Variants in SCAMP1 observed in about 807,000 individuals in gnomAD.
The protein encoded by SCAMP1 is secretory carrier membrane protein 1.
In SCAMP1, 15 loss-of-function variants were observed where a neutral mutation model predicts 41.8. The ratio of observed to expected loss-of-function variants is 0.36; its 90% CI spans 0.24 to 0.55. The LOEUF (loss-of-function observed/expected upper bound fraction) is 0.55. SCAMP1 is among the 20% of genes least tolerant of loss of function. The pLI, the probability that SCAMP1 is intolerant of heterozygous loss-of-function variation, is 0.86. For missense variants in SCAMP1, 341 were observed against 412.6 expected, an observed-to-expected ratio of 0.83 and a Z score of 1.50; for synonymous variants, 135 against 136.8, an observed-to-expected ratio of 0.99 and a Z score of 0.09.
rs1214388599 is a variant in SCAMP1, at chr5:78,388,909, A to G, written c.130A>G (p.Arg44Gly). Residue 44 changes from arginine to glycine, a missense_variant, in exon 2 of 9, where the codon AGA (arginine) becomes GGA (glycine). Physicochemically the swap from Arg to Gly is moderately radical, Grantham distance 125 (BLOSUM62 -2). Transcript: ENST00000621999. ...LDEYNPFSDS[R>G]TPPPGGVKMP... ...TGAATATAATCCATTCTCGGATTCT[A>G]GAACAGTAAGATTATTCTTGCTTTT... The G allele has an allele frequency of 6.9e-7, 1 of 1,458,418 alleles. No individual in the cohort carries two copies. Among genetic ancestry groups the G allele is most frequent in the Non-Finnish European group, 9.5e-7 (1 of 1,054,844 alleles). 90.3% of individuals were successfully genotyped at this position (1,458,418 alleles called of 1,614,324 possible).
At chr5:78,399,901 C>T (rs748196565) in intron 2 of SCAMP1, among the ~76,000 whole-genome samples, 70 of 152,086 alleles carry the variant, frequency 4.6e-4, no homozygotes, top group Non-Finnish European at 9.3e-4. Context: ...GTGTTATCTT[C>T]GAGGAGTTTT....
chr5:78,424,621 G>A (rs891967530), intron 6 of SCAMP1, among the ~76,000 whole-genome samples: 6 of 151,986 alleles, frequency 3.9e-5, no homozygotes, highest in African/African-American at 9.7e-5. Flanking sequence ...ATCCCAGCTC[G>A]AGGCAGGAGA....
intron 8 of SCAMP1, among the ~76,000 whole-genome samples, chr5:78,465,703 TTTATCA>T (rs1753727876): frequency 2.0e-5 from 3 of 152,342 alleles, no homozygotes; most frequent in Admixed American, 1.3e-4. Flanking sequence ...AGTAGATGCC[TTTATCA>T]GTCAGCATGC....
At chr5:78,373,643 C>T (rs997506011) in intron 1 of SCAMP1, among the ~76,000 whole-genome samples, 3 of 152,078 alleles carry the variant, frequency 2.0e-5, no homozygotes, top group Non-Finnish European at 1.5e-5. Context: ...GGCATATTAT[C>T]TTTTTTTGAC....
chr5:78,407,160 T>G (rs1013376026), intron 2 of SCAMP1, among the ~76,000 whole-genome samples: 1 of 152,082 alleles, frequency 6.6e-6, no homozygotes, highest in African/African-American at 2.4e-5. Context: ...GATAGAGAGG[T>G]CTTCCTTTTT....
rs1754072284 is a variant in SCAMP1, at chr5:78,479,112, A to G, written c.*3444A>G. The G allele has an allele frequency of 1.3e-5, 2 of 152,160 alleles. No homozygotes were observed. The highest frequency in any genetic ancestry group is 6.5e-5 in the Admixed American group (1 of 15,286). The allele number at this position is 152,160 out of a possible 1,614,324, so 9.4% of individuals were successfully genotyped here. ...TTTGGCATGACTGTTTATATACAGA[A>G]TTTGTTACATTTTGAGCATTTTTTC... On this transcript the variant is annotated 3_prime_UTR_variant, in exon 9 of 9. Coordinates refer to ENST00000621999, the MANE Select transcript of SCAMP1 (RefSeq NM_004866.6).
At chr5:78,425,049 A>G (rs1752432472) in intron 6 of SCAMP1, among the ~76,000 whole-genome samples, 1 of 152,236 alleles carries the variant, frequency 6.6e-6, no homozygotes, top group African/African-American at 2.4e-5. Flanking sequence ...GTTTTGCATT[A>G]TAGATGGTGA....
rs1476236873 is a variant in SCAMP1 at position 78,477,632 on chromosome 5, A to T, written c.*1964A>T. The stretch of plus-strand genomic sequence containing the variant: ...TGAAATACTTTGCTTCAGAATTGGA[A>T]TGTTTATATTATGTAGAAATCTTCA... On this transcript the variant is annotated 3_prime_UTR_variant, in exon 9 of 9. Coordinates refer to ENST00000621999, the MANE Select transcript of SCAMP1 (RefSeq NM_004866.6). The T allele has an allele frequency of 6.6e-6, 1 of 152,168 alleles. No individual in the cohort carries two copies. Among genetic ancestry groups the T allele is most frequent in the Non-Finnish European group, 1.5e-5 (1 of 67,994 alleles). The allele number at this position is 152,168 out of a possible 1,614,324, so 9.4% of individuals were successfully genotyped here. A position where few individuals can be genotyped will look rare whatever the true frequency, so the allele number is the denominator to read the frequency against.
intron 1 of SCAMP1, among the ~76,000 whole-genome samples, chr5:78,381,933 G>A (rs558889373): frequency 5.3e-5 from 8 of 151,966 alleles, no homozygotes; most frequent in Admixed American, 2.0e-4. Context: ...AATCTGAAAT[G>A]GATAAAGGAC....
intron 2 of SCAMP1, among the ~76,000 whole-genome samples, chr5:78,406,955 ACTT>A (rs1447165988): frequency 1.3e-5 from 2 of 152,134 alleles, no homozygotes; most frequent in African/African-American, 2.4e-5. Context: ...TTTTCTCAGT[ACTT>A]CAAGTTTTTC....
intron 7 of SCAMP1, among the ~76,000 whole-genome samples, 173 bp from the exon 8 acceptor site, chr5:78,459,072 A>T (rs1753513614): frequency 6.6e-6 from 1 of 152,170 alleles, no homozygotes; most frequent in South Asian, 2.1e-4. Context: ...TCAAATGGGG[A>T]TTTAAAACAG....
chr5:78,394,457 A>G (rs1751598775), intron 2 of SCAMP1, among the ~76,000 whole-genome samples: 1 of 152,096 alleles, frequency 6.6e-6, no homozygotes, highest in Non-Finnish European at 1.5e-5. Flanking sequence ...TCCTGGACTC[A>G]AGAGATCCTC....
intron 2 of SCAMP1, among the ~76,000 whole-genome samples, chr5:78,394,880 A>G (rs1751612048): frequency 1.3e-5 from 2 of 152,308 alleles, no homozygotes; most frequent in South Asian, 2.1e-4. Flanking sequence ...CAGTTGCCAC[A>G]TCCTGTCACT....
intron 6 of SCAMP1, among the ~76,000 whole-genome samples, chr5:78,429,604 C>T (rs989815750): frequency 4.6e-5 from 7 of 151,950 alleles, no homozygotes; most frequent in Non-Finnish European, 8.8e-5. Flanking sequence ...GGTTGAAATA[C>T]GTTTCCAAGA....
chr5:78,427,358 G>A (rs774862908), intron 6 of SCAMP1, among the ~76,000 whole-genome samples: 11 of 152,058 alleles, frequency 7.2e-5, no homozygotes, highest in African/African-American at 1.7e-4. Context: ...ATGAGGGATC[G>A]ATCATTCATG....
intron 1 of SCAMP1, among the ~76,000 whole-genome samples, chr5:78,368,161 T>C (rs1392043097): frequency 6.6e-6 from 1 of 152,228 alleles, no homozygotes; most frequent in Non-Finnish European, 1.5e-5. Flanking sequence ...TTTGTCATTC[T>C]TTTTGAGACA....
intron 1 of SCAMP1, chr5:78,361,107 C>T (rs1021812439): frequency 9.0e-5 from 18 of 200,322 alleles, no homozygotes; most frequent in African/African-American, 3.1e-4. Context: ...CGGGAGTCGG[C>T]GGAGGGGGGC....
chr5:78,459,887 A>G lies in SCAMP1; in HGVS notation c.852+525A>G, dbSNP rs1231891827. ...ACCCAAATAGTGAACATAGTACCCG[A>G]TAGTTTTTCAAGCTTTGCTCTTCTC... On this transcript the variant is annotated intron_variant, in intron 8 of 8. Coordinates refer to ENST00000621999, the MANE Select transcript of SCAMP1 (RefSeq NM_004866.6). Among the ~76,000 whole-genome samples the G allele has an allele frequency of 3.9e-5, 6 of 152,128 alleles. No individual in the cohort carries two copies. The East Asian group carries it at 1.2e-3, about 29-fold the overall frequency.
rs185518390 is a variant in SCAMP1 at position 78,392,240 on chromosome 5, C to T, written c.135+3326C>T. ...GTCTACTTTGTGCCATGTGCTTTGC[C>T]TGTATTATCTTATTGAATTCTCATA... On this transcript the variant is annotated intron_variant, in intron 2 of 8. Transcript: ENST00000621999. Among the ~76,000 whole-genome samples, 524 of 152,238 alleles carry T rather than the reference C, an allele frequency of 3.4e-3. 6 individuals are homozygous for T. The highest frequency in any genetic ancestry group is 0.012 in the African/African-American group (507 of 41,540).
Sources: allele counts gnomAD v4.1 joint callset (sites outside exome capture counted in the v4.1 genomes callset), GRCh38; gene constraint gnomAD v4.1.1; transcripts MANE v1.5; gene names NCBI Gene and HGNC (gene_info 2026-07-23, HGNC 2026-07-21).